The following GALNT13 variants were observed in gnomAD, a reference collection of about 807,000 sequenced individuals.
GALNT13 encodes UDP-GalNAc:polypeptide N-acetylgalactosaminyltransferase 13.
A neutral mutation model predicts 64.2 loss-of-function variants in GALNT13; 28 were observed. The observed-to-expected ratio is 0.44, with a 90% CI of 0.32 to 0.60. The LOEUF (loss-of-function observed/expected upper bound fraction) is 0.60, where lower values mean the gene tolerates loss of function less well. GALNT13 is among the 20% of genes least tolerant of loss of function. GALNT13 has a pLI of 0.05. For synonymous variants in GALNT13, 214 were observed against 224.6 expected (o/e 0.95, Z 0.42); for missense variants, 577 against 669.8 (o/e 0.86, Z 1.53).
chr2:153,122,051 T>G, the GALNT13 span, among the ~76,000 whole-genome samples: 1 of 152,222 alleles, frequency 6.6e-6, no homozygotes, highest in Non-Finnish European at 1.5e-5. Context: ...GTGTGTATAG[T>G]GTTTCACTCA....
chr2:153,938,522 A>G (rs1574156908), intron 2 of GALNT13, among the ~76,000 whole-genome samples: 1 of 152,276 alleles, frequency 6.6e-6, no homozygotes, highest in Non-Finnish European at 1.5e-5. Context: ...TTGCATGTAG[A>G]AGTGGAGTAT....
chr2:154,226,293 A>G (rs555530919), intron 4 of GALNT13, among the ~76,000 whole-genome samples: 1 of 152,258 alleles, frequency 6.6e-6, no homozygotes, highest in South Asian at 2.1e-4. Context: ...CAAAGTTAAC[A>G]TTAGTAATGG....
intron 3 of GALNT13, among the ~76,000 whole-genome samples, chr2:154,028,426 T>A (rs1166572233): frequency 6.6e-6 from 1 of 152,158 alleles, no homozygotes; most frequent in East Asian, 1.9e-4. Context: ...AAGCATAAAA[T>A]TTTAGATAAG....
the GALNT13 span, among the ~76,000 whole-genome samples, chr2:153,827,143 G>A: frequency 6.6e-6 from 1 of 151,956 alleles, no homozygotes; most frequent in Non-Finnish European, 1.5e-5. Flanking sequence ...CATCTTATGT[G>A]GAAGGCAGCA....
intron 4 of GALNT13, among the ~76,000 whole-genome samples, chr2:154,143,860 CAAAAAAAAAAAAAA>C (rs34582475): frequency 6.8e-5 from 4 of 58,904 alleles, no homozygotes; most frequent in African/African-American, 1.8e-4. Flanking sequence ...GACTCTGTCT[CAAAAAAAAAAAAAA>C]AAAAAAAAAA....
intron 3 of GALNT13, among the ~76,000 whole-genome samples, chr2:154,044,409 T>C (rs1454001522): frequency 1.3e-5 from 2 of 152,216 alleles, no homozygotes; most frequent in Non-Finnish European, 2.9e-5. Flanking sequence ...GTGTGAAAGC[T>C]TGGATCATTC....
chr2:153,862,449 GAAT>G, the GALNT13 span, among the ~76,000 whole-genome samples: 1 of 152,226 alleles, frequency 6.6e-6, no homozygotes, highest in East Asian at 1.9e-4. Flanking sequence ...TTCATGGAGA[GAAT>G]AATACTATGT....
chr2:153,626,973 A>G, the GALNT13 span, among the ~76,000 whole-genome samples: 2 of 152,158 alleles, frequency 1.3e-5, no homozygotes, highest in African/African-American at 2.4e-5. Flanking sequence ...AAACAGAGGA[A>G]AATGCACATG....
the GALNT13 span, among the ~76,000 whole-genome samples, chr2:153,844,998 G>A: frequency 2.0e-5 from 3 of 152,120 alleles, no homozygotes; most frequent in African/African-American, 4.8e-5. Context: ...GTTATTGTCA[G>A]CATTTTGATC....
intron 4 of GALNT13, among the ~76,000 whole-genome samples, chr2:154,156,496 T>C (rs990330655): frequency 7.2e-5 from 11 of 152,164 alleles, no homozygotes; most frequent in Admixed American, 2.0e-4. Flanking sequence ...TTTTAGTATG[T>C]ATCAGCTATA....
intron 11 of GALNT13, among the ~76,000 whole-genome samples, chr2:154,423,220 G>A (rs1021160809): frequency 3.3e-5 from 5 of 152,012 alleles, no homozygotes; most frequent in Non-Finnish European, 5.9e-5. Flanking sequence ...CTTCATCCAT[G>A]TCCCTGCAAA....
chr2:153,312,490 G>A, the GALNT13 span, among the ~76,000 whole-genome samples: 1 of 152,234 alleles, frequency 6.6e-6, no homozygotes, highest in East Asian at 1.9e-4. Flanking sequence ...ACATTTCAGA[G>A]GCTGATGTTC....
At chr2:153,403,261 C>G in the GALNT13 span, among the ~76,000 whole-genome samples, 5 of 151,162 alleles carry the variant, frequency 3.3e-5, no homozygotes, top group African/African-American at 1.2e-4. Flanking sequence ...GTCAGGGACC[C>G]ACTTGAGGAG....
At chr2:153,074,937 T>A in the GALNT13 span, among the ~76,000 whole-genome samples, 1 of 152,154 alleles carries the variant, frequency 6.6e-6, no homozygotes, top group African/African-American at 2.4e-5. Context: ...CTAATTTTGT[T>A]GCCCAGCCTG....
chr2:153,246,734 A>G, the GALNT13 span, among the ~76,000 whole-genome samples: 1 of 152,366 alleles, frequency 6.6e-6, no homozygotes, highest in African/African-American at 2.4e-5. Flanking sequence ...AAGAAACTGC[A>G]TCAACTAATG....
the GALNT13 span, among the ~76,000 whole-genome samples, chr2:153,365,114 C>G: frequency 6.6e-6 from 1 of 152,136 alleles, no homozygotes; most frequent in Admixed American, 6.5e-5. Context: ...TGATCTTTGA[C>G]AAACCTGACG....
At chr2:153,713,380 T>A in the GALNT13 span, among the ~76,000 whole-genome samples, 1 of 152,168 alleles carries the variant, frequency 6.6e-6, no homozygotes, top group Admixed American at 6.5e-5. Flanking sequence ...ACATCCTGAT[T>A]CCAGGGTTTC....
At chr2:154,316,773 A>G (rs1022411899) in intron 9 of GALNT13, among the ~76,000 whole-genome samples, 2 of 152,184 alleles carry the variant, frequency 1.3e-5, no homozygotes, top group Non-Finnish European at 2.9e-5. Context: ...ATCTAATCAT[A>G]GTTACCTCCC....
intron 3 of GALNT13, among the ~76,000 whole-genome samples, chr2:154,026,940 C>T (rs533799195): frequency 6.6e-6 from 1 of 152,164 alleles, no homozygotes; most frequent in East Asian, 1.9e-4. Flanking sequence ...GGGTCAAGAA[C>T]TGAAGCATTT....
Sources: gnomAD v4.1 joint callset for allele counts (sites outside exome capture counted in the v4.1 genomes callset) on GRCh38, gnomAD v4.1.1 for gene constraint, MANE v1.5 for transcripts, NCBI Gene and HGNC (gene_info 2026-07-23, HGNC 2026-07-21) for gene names.